Variants in KAT8 observed in about 807,000 individuals in gnomAD.
KAT8 encodes the protein lysine acetyltransferase 8, also known as histone acetyltransferase KAT8.
Under a neutral mutation model 62.9 loss-of-function variants are expected in KAT8, and 40 were observed. The ratio of observed to expected loss-of-function variants is 0.64; its 90% CI spans 0.49 to 0.83. The LOEUF (loss-of-function observed/expected upper bound fraction) is 0.83. Ranked by LOEUF, KAT8 falls within the 40% of genes least tolerant of loss-of-function variation. KAT8 has a pLI of 0.00. For missense variants in KAT8, 387 were observed against 614.8 expected, an observed-to-expected ratio of 0.63 and a Z score of 3.92; for synonymous variants, 278 against 254.5, an observed-to-expected ratio of 1.09 and a Z score of -0.88.
chr16:31,125,196 GA>G (rs112449297), intron 3 of KAT8, among the ~76,000 whole-genome samples: 232 of 135,700 alleles, frequency 1.7e-3, no homozygotes, highest in South Asian at 0.016. Flanking sequence ...TATCTCAGAA[GA>G]AAAAAAAAAA....
At position 31,120,241 on chromosome 16, in the gene KAT8, C is replaced by G; in HGVS notation, c.267C>G (p.Phe89Leu). The change falls in exon 2 of 11, where the codon TTC (phenylalanine) becomes TTG (leucine). Residue 89 changes from phenylalanine to leucine, a missense_variant. By Grantham distance (22) the Phe-to-Leu change is conservative. This residue lies in a region of KAT8 where 69 missense variants were observed against 127.0 expected (regional missense o/e 0.54). Coordinates refer to ENST00000219797, the MANE Select transcript of KAT8 (RefSeq NM_032188.3). ...RVNDQEGREEFYVHYVGFNRR... is the reference protein window; with the variant it reads ...RVNDQEGREELYVHYVGFNRR... Reference sequence around the variant, plus strand: ...ACGACCAGGAGGGCCGAGAGGAATTCTATGTACACTACGTGGGCTGTGAGT... The same window carrying G: ...ACGACCAGGAGGGCCGAGAGGAATTGTATGTACACTACGTGGGCTGTGAGT... 3.1e-6 allele frequency: 5 copies of G among 1,614,196 alleles called. No individual in the cohort carries two copies. The highest frequency in any genetic ancestry group is 3.4e-6 in the Non-Finnish European group (4 of 1,180,018).
At position 31,130,799 on chromosome 16, in the gene KAT8, A is replaced by G; in HGVS notation, c.1211A>G (p.Asn404Ser). 1 of 1,614,032 alleles carries G rather than the reference A, an allele frequency of 6.2e-7. No homozygotes were observed. The change falls in exon 10 of 11, where the codon AAT becomes AGT. Residue 404 changes from asparagine to serine, a missense_variant. By Grantham distance (46) the Asn-to-Ser change is conservative (BLOSUM62 1). This residue lies in a region of KAT8 where 75 missense variants were observed against 105.7 expected (regional missense o/e 0.71). Transcript: ENST00000219797. ...NDIISTLQSL[N>S]MVKYWKGQHV... ...ATCATCAGTACCCTGCAATCCCTCA[A>G]TATGGTCAAGTACTGGAAGGGCCAG...
chr16:31,121,582 G>T (rs538524586), intron 3 of KAT8, among the ~76,000 whole-genome samples: 1 of 152,034 alleles, frequency 6.6e-6, no homozygotes, highest in Admixed American at 6.5e-5. Context: ...AATGATTTTG[G>T]TTTTTTTCTT....
intron 6 of KAT8, among the ~76,000 whole-genome samples, chr16:31,128,484 G>A (rs1008106608): frequency 1.3e-5 from 2 of 152,094 alleles, no homozygotes; most frequent in African/African-American, 4.8e-5. Context: ...GGCAGAGGTT[G>A]CAGTGAGCTG....
At chr16:31,118,100 C>A in intron 1 of KAT8, 3 of 411,726 alleles carry the variant, frequency 7.3e-6, no homozygotes, top group Non-Finnish European at 1.3e-5. Context: ...TTATGCCGAG[C>A]GACGCCTACA....
chr16:31,118,776 T>C (rs2057470702), intron 1 of KAT8: 1 of 152,190 alleles, frequency 6.6e-6, no homozygotes, highest in Non-Finnish European at 1.5e-5. Context: ...ACGTAGTGGT[T>C]GCCTTACTCA....
At chr16:31,119,926 C>T (rs1199761503) in intron 1 of KAT8, among the ~76,000 whole-genome samples, 1 of 152,012 alleles carries the variant, frequency 6.6e-6, no homozygotes, top group Non-Finnish European at 1.5e-5. Context: ...AGTGATCTGC[C>T]CATCTCGGCC....
chr16:31,120,156 C>A, intron 1 of KAT8, 30 bp from the exon 2 acceptor site: 1 of 1,597,016 alleles, frequency 6.3e-7, no homozygotes, highest in Non-Finnish European at 8.6e-7. Context: ...GCCTTACCTT[C>A]CTGATGACCC....
intron 3 of KAT8, chr16:31,125,913 G>A (rs1343066037): frequency 6.6e-6 from 1 of 152,240 alleles, no homozygotes; most frequent in Non-Finnish European, 1.5e-5. Flanking sequence ...TTGAAAAATA[G>A]AGGAACCCAG....
chr16:31,129,819 C>G lies in KAT8; in HGVS notation c.772-198C>G, dbSNP rs1596826123. ...GGTGGCCGGGCTTCATCCAGCTCCA[C>G]TGGCACCTCCGAAGTGCTGTTGCTC... On this transcript the variant is annotated intron_variant, in intron 6 of 10. Coordinates refer to ENST00000219797, the MANE Select transcript of KAT8 (RefSeq NM_032188.3). Among the ~76,000 whole-genome samples the G allele has an allele frequency of 2.0e-5, 3 of 152,384 alleles. No homozygotes were observed. In the South Asian group the frequency reaches 6.2e-4, roughly 32 times the overall value.
intron 3 of KAT8, among the ~76,000 whole-genome samples, chr16:31,121,992 C>T (rs2057497254): frequency 6.6e-6 from 1 of 152,096 alleles, no homozygotes; most frequent in Non-Finnish European, 1.5e-5. Flanking sequence ...CTCAAGCGAT[C>T]CTCCTGCCTT....
chr16:31,128,875 C>A (rs1034717449), intron 6 of KAT8, among the ~76,000 whole-genome samples: 2 of 152,186 alleles, frequency 1.3e-5, no homozygotes, highest in Admixed American at 1.3e-4. Context: ...CAGGTTGGGG[C>A]CTTTGGGACC....
chr16:31,129,878 A>C, intron 6 of KAT8, 139 bp from the exon 7 acceptor site: 1 of 932,228 alleles, frequency 1.1e-6, no homozygotes, highest in Non-Finnish European at 1.7e-6. Context: ...TCAGAGGCTG[A>C]CCGAAGACTC....
intron 5 of KAT8, 126 bp from the exon 6 acceptor site, chr16:31,127,924 T>C (rs1033685909): frequency 5.8e-6 from 4 of 690,240 alleles, no homozygotes; most frequent in Non-Finnish European, 1.0e-5. Context: ...GATTACTCGA[T>C]GTAGGTGAAG....
At chr16:31,131,377 G>C, downstream of KAT8, 1 of 1,163,820 alleles carries the variant, frequency 8.6e-7, no homozygotes, top group East Asian at 2.6e-5. Context: ...ACTTTGGAGG[G>C]GAAGGGGAGG....
intron 9 of KAT8, 30 bp from the exon 10 acceptor site, chr16:31,130,716 T>C: frequency 6.2e-7 from 1 of 1,613,274 alleles, no homozygotes; most frequent in Non-Finnish European, 8.5e-7. Flanking sequence ...GGGCACCAGG[T>C]CTGGCATTTG....
chr16:31,124,690 C>T (rs1412134351), intron 3 of KAT8, among the ~76,000 whole-genome samples: 4 of 148,040 alleles, frequency 2.7e-5, no homozygotes, highest in African/African-American at 1.0e-4. Flanking sequence ...TGAGATTTTG[C>T]CATTGCACTC....
intron 1 of KAT8, 21 bp downstream of exon 1, chr16:31,117,913 TG>T (rs1437607366): frequency 1.2e-5 from 8 of 650,852 alleles, no homozygotes; most frequent in Non-Finnish European, 1.5e-5. Flanking sequence ...GGCCCAGGGC[TG>T]GGGGCGGGGC....
Position 31,131,175 on chromosome 16 carries a change from C to G in KAT8, c.1313-20C>G, listed in dbSNP as rs766806739. ...GCCTGGCCCAGGCCCAGCCCTGCCT[C>G]CCGCCCCTTCTCCCCACAGTGGACT... On this transcript the variant is annotated intron_variant, in intron 10 of 10. Transcript: ENST00000219797. 6.2e-7 allele frequency: 1 copy of G among 1,613,520 alleles called. No homozygotes were observed. The highest frequency in any genetic ancestry group is 1.1e-5 in the South Asian group (1 of 91,002).
Sources: gnomAD v4.1 joint callset for allele counts (sites outside exome capture counted in the v4.1 genomes callset) on GRCh38, gnomAD v4.1.1 for gene constraint, gnomAD v4.1.1 regional missense constraint, MANE v1.5 for transcripts, NCBI Gene and HGNC (gene_info 2026-07-23, HGNC 2026-07-21) for gene names.